DAB1: variants seen among roughly 807,000 people sequenced by gnomAD.
The protein encoded by DAB1 is DAB adaptor protein 1, also known as disabled homolog 1.
In DAB1, 15 loss-of-function variants were observed where a neutral mutation model predicts 64.6. The observed-to-expected ratio is 0.23, with a 90% confidence interval of 0.16 to 0.36. The LOEUF (loss-of-function observed/expected upper bound fraction) is 0.36, where lower values mean the gene tolerates loss of function less well. Among genes scored for constraint, DAB1 ranks in the 10% least tolerant of loss-of-function variants. The pLI, the probability that DAB1 is intolerant of heterozygous loss-of-function variation, is 1.00. For missense variants in DAB1, 596 were observed against 706.7 expected (o/e 0.84, Z 1.78); for synonymous variants, 235 against 251.9 (o/e 0.93, Z 0.64).
chr1:57,128,052 C>T (rs1250340904), intron 4 of DAB1, among the ~76,000 whole-genome samples: 1 of 151,896 alleles, frequency 6.6e-6, no homozygotes, highest in Non-Finnish European at 1.5e-5. Context: ...GAGGCTGAGG[C>T]ATGAGAATCG....
chr1:57,341,833 C>T (rs769089818), intron 1 of DAB1, among the ~76,000 whole-genome samples: 2 of 152,128 alleles, frequency 1.3e-5, no homozygotes, highest in African/African-American at 2.4e-5. Flanking sequence ...GGGAATGCTA[C>T]GTGTAAGAAC....
intron 1 of DAB1, chr1:58,530,592 C>T: frequency 1.1e-6 from 1 of 870,348 alleles, no homozygotes; most frequent in Non-Finnish European, 2.0e-6. Context: ...GTTATTGTCT[C>T]AGACTTACCT....
At chr1:57,129,966 G>A (rs1657505793) in intron 4 of DAB1, among the ~76,000 whole-genome samples, 1 of 151,868 alleles carries the variant, frequency 6.6e-6, no homozygotes, top group African/African-American at 2.4e-5. Context: ...TGACCGATTA[G>A]CATCTGTGTC....
At chr1:57,239,672 G>A (rs937909502) in intron 2 of DAB1, among the ~76,000 whole-genome samples, 2 of 151,990 alleles carry the variant, frequency 1.3e-5, no homozygotes, top group African/African-American at 2.4e-5. Flanking sequence ...CTAGAGAACT[G>A]TCTTCTCTTT....
chr1:57,836,853 G>A (rs1464351663), intron 1 of DAB1, among the ~76,000 whole-genome samples: 1 of 152,144 alleles, frequency 6.6e-6, no homozygotes, highest in Non-Finnish European at 1.5e-5. Flanking sequence ...GTGGCATACA[G>A]TCTTTTCATT....
chr1:57,790,789 A>G (rs12134658), intron 6 of DAB1, among the ~76,000 whole-genome samples: 1 of 152,208 alleles, frequency 6.6e-6, no homozygotes, highest in Non-Finnish European at 1.5e-5. Flanking sequence ...GTGAATGGCG[A>G]ATAACATCAT....
chr1:58,112,052 T>A (rs561985024), intron 5 of DAB1, among the ~76,000 whole-genome samples: 1 of 152,162 alleles, frequency 6.6e-6, no homozygotes, highest in Non-Finnish European at 1.5e-5. Flanking sequence ...CCAGTGGCAA[T>A]GCCTTGGCAC....
chr1:57,666,869 AGGGAGGGGGAAGGGGAGAGGGAAG>A (rs1644598317), intron 6 of DAB1, among the ~76,000 whole-genome samples: 2 of 99,370 alleles, frequency 2.0e-5, no homozygotes, highest in Non-Finnish European at 4.0e-5. Flanking sequence ...GGAGAGGGAG[AGGGAGGGGGAAGGGGAGAGGGAAG>A]GGGAGGGGGA....
At chr1:57,244,787 G>GA (rs1268041714) in intron 2 of DAB1, among the ~76,000 whole-genome samples, 26 of 152,236 alleles carry the variant, frequency 1.7e-4, no homozygotes, top group Admixed American at 1.6e-3. Context: ...TTATCTGGAG[G>GA]AAAAAATGCT....
chr1:58,530,878 G>T (rs1646424725), intron 1 of DAB1: 3 of 567,074 alleles, frequency 5.3e-6, no homozygotes, highest in South Asian at 2.3e-5. Context: ...ATTCTTTCCG[G>T]GTCTGTTTTT....
chr1:57,546,720 G>A (rs890626399), intron 7 of DAB1, among the ~76,000 whole-genome samples: 9 of 152,106 alleles, frequency 5.9e-5, no homozygotes, highest in East Asian at 1.9e-4. Flanking sequence ...TCATTAAGGC[G>A]TAGGTGTGAA....
intron 6 of DAB1, among the ~76,000 whole-genome samples, chr1:57,757,230 G>A (rs1054226644): frequency 2.8e-5 from 2 of 70,370 alleles, no homozygotes; most frequent in Admixed American, 3.8e-4. Context: ...TAGCAGCAAT[G>A]ATGGAGGCTA....
intron 1 of DAB1, among the ~76,000 whole-genome samples, chr1:57,868,499 C>T (rs1311678472): frequency 2.6e-5 from 4 of 152,126 alleles, no homozygotes; most frequent in Admixed American, 6.6e-5. Context: ...CTTGTCATTA[C>T]GTTGGAGTTA....
chr1:57,537,452 A>G (rs1201732813), intron 7 of DAB1, among the ~76,000 whole-genome samples: 1 of 152,212 alleles, frequency 6.6e-6, no homozygotes, highest in East Asian at 1.9e-4. Context: ...TTGCAGTGAT[A>G]CCAACACTCA....
intron 6 of DAB1, among the ~76,000 whole-genome samples, chr1:57,786,446 C>T (rs1341778736): frequency 2.0e-5 from 3 of 152,134 alleles, no homozygotes; most frequent in Admixed American, 6.6e-5. Flanking sequence ...CAACACAATC[C>T]TATTAATGCT....
At chr1:58,126,704 C>T (rs1411348059) in intron 5 of DAB1, among the ~76,000 whole-genome samples, 1 of 147,552 alleles carries the variant, frequency 6.8e-6, no homozygotes, top group Non-Finnish European at 1.5e-5. Context: ...TGAGAATATG[C>T]GGTGTTTGGT....
intron 1 of DAB1, among the ~76,000 whole-genome samples, chr1:57,353,456 A>G (rs1678786364): frequency 6.6e-6 from 1 of 152,156 alleles, no homozygotes; most frequent in African/African-American, 2.4e-5. Flanking sequence ...TACAACATCA[A>G]GTACAGAGCT....
intron 1 of DAB1, among the ~76,000 whole-genome samples, chr1:57,871,133 C>A (rs904350008): frequency 3.6e-4 from 55 of 152,130 alleles, no homozygotes; most frequent in African/African-American, 1.2e-3. Context: ...CCTCCTCCTC[C>A]TCATCACCAA....
chr1:57,884,587 T>C (rs1008266857), upstream of DAB1, among the ~76,000 whole-genome samples: 3 of 152,242 alleles, frequency 2.0e-5, no homozygotes, highest in Non-Finnish European at 4.4e-5. Flanking sequence ...ATTTTAAATT[T>C]TGATAGATAT....
Sources: allele counts gnomAD v4.1 joint callset (sites outside exome capture counted in the v4.1 genomes callset), GRCh38; gene constraint gnomAD v4.1.1; transcripts MANE v1.5; gene names NCBI Gene and HGNC (gene_info 2026-07-23, HGNC 2026-07-21).